Variants in MYH11 observed in about 807,000 individuals in gnomAD.
MYH11 encodes the protein myosin-11.
In MYH11, 80 loss-of-function variants were observed where a neutral mutation model predicts 246.6. The observed-to-expected ratio is 0.32, with a 90% CI of 0.27 to 0.39. MYH11 has a LOEUF of 0.39. MYH11 is among the 10% of genes least tolerant of loss of function. The pLI is 1.00. For missense variants in MYH11, 2,158 were observed against 2,546.8 expected (o/e 0.85, Z 3.29); for synonymous variants, 1,071 against 1,015.5 (o/e 1.05, Z -1.04).
chr16:15,842,762 CAAAAAA>C (rs757920488), intron 1 of MYH11, among the ~76,000 whole-genome samples: 3 of 19,642 alleles, frequency 1.5e-4, no homozygotes, highest in Admixed American at 7.9e-4. Context: ...AGACTTCATC[CAAAAAA>C]AAAAAAAAAA....
At chr16:15,763,741 T>TCGCCCCCCC in intron 10 of MYH11, 55 bp downstream of exon 10, 2 of 646,852 alleles carry the variant, frequency 3.1e-6, no homozygotes, top group East Asian at 3.2e-5. Context: ...AAATGTCACC[T>TCGCCCCCCC]CCCCCACCCC....
intron 7 of MYH11, 77 bp downstream of exon 7, chr16:15,778,703 G>A: frequency 1.4e-6 from 2 of 1,397,416 alleles, no homozygotes; most frequent in Non-Finnish European, 2.0e-6. Flanking sequence ...GGTGGCTCTT[G>A]GACTCTCCCA....
chr16:15,794,198 G>A (rs1596851036), intron 4 of MYH11, among the ~76,000 whole-genome samples: 2 of 151,846 alleles, frequency 1.3e-5, no homozygotes, highest in African/African-American at 4.8e-5. Flanking sequence ...CGCCCGCCTC[G>A]GCCTCCCAAA....
At chr16:15,777,377 T>A (rs1453386780) in intron 7 of MYH11, among the ~76,000 whole-genome samples, 1 of 152,160 alleles carries the variant, frequency 6.6e-6, no homozygotes, top group Non-Finnish European at 1.5e-5. Context: ...CGCCTCGGCC[T>A]CCCAAAGTGC....
chr16:15,739,947 G>C lies in MYH11; in HGVS notation c.2997+104C>G, dbSNP rs546295283. On this transcript the variant is annotated intron_variant, in intron 23 of 40. Coordinates refer to ENST00000300036, the MANE Select transcript of MYH11 (RefSeq NM_002474.3). ...AGTAGAGATGGAGTTTTACCCTGTT[G>C]GCCAGGCTAGTCTCAAACTCCTGGC... 26 of 1,226,238 alleles carry C rather than the reference G, an allele frequency of 2.1e-5. No homozygotes were observed. The East Asian group carries it at 6.1e-4, about 29-fold the overall frequency. The allele number at this position is 1,226,238 out of a possible 1,614,324, so 76.0% of individuals were successfully genotyped here. A position where few individuals can be genotyped will look rare whatever the true frequency, so the allele number is the denominator to read the frequency against.
At chr16:15,728,756 C>G (rs971400951) in intron 27 of MYH11, among the ~76,000 whole-genome samples, 2 of 151,930 alleles carry the variant, frequency 1.3e-5, no homozygotes, top group African/African-American at 4.8e-5. Flanking sequence ...AAAAATTAGC[C>G]GGGCATGGTG....
intron 8 of MYH11, among the ~76,000 whole-genome samples, chr16:15,775,411 CATTGGTTTATGTGTTG>C: frequency 3.3e-5 from 2 of 60,860 alleles, no homozygotes; most frequent in South Asian, 1.6e-3. Flanking sequence ...TGCCTGTGCT[CATTGGTTTATGTGTTG>C]CCTGAGCTCA....
chr16:15,819,931 C>T (rs2151354828), intron 3 of MYH11, among the ~76,000 whole-genome samples: 1 of 152,264 alleles, frequency 6.6e-6, no homozygotes, highest in African/African-American at 2.4e-5. Context: ...AGTGGCTTCA[C>T]CTTGCCAATT....
At chr16:15,741,966 G>A in intron 20 of MYH11, 75 bp from the exon 21 acceptor site, 1 of 1,585,942 alleles carries the variant, frequency 6.3e-7, no homozygotes, top group Non-Finnish European at 8.6e-7. Context: ...TCGATCAGTG[G>A]TTCCGAGCCA....
intron 5 of MYH11, chr16:15,784,557 A>T: frequency 2.4e-6 from 2 of 842,710 alleles, no homozygotes; most frequent in Non-Finnish European, 3.7e-6. Flanking sequence ...TGGTGCATTT[A>T]CTGATTTAAG....
Position 15,729,390 on chromosome 16 carries a change from A to G in MYH11, c.3652-2336T>C, listed in dbSNP as rs1293748062. ...CACCTCTACCTGCTTTGTGCGGGTC[A>G]GTAATGGACATGCCGTCTGCTGGTG... On this transcript the variant is annotated intron_variant, in intron 27 of 40. Transcript: ENST00000300036. Among the ~76,000 whole-genome samples, 3 of 152,126 alleles carry G rather than the reference A, an allele frequency of 2.0e-5. No homozygotes were observed. The South Asian group carries it at 6.2e-4, about 31-fold the overall frequency.
intron 25 of MYH11, among the ~76,000 whole-genome samples, chr16:15,736,167 G>C (rs188060700): frequency 5.9e-5 from 9 of 152,362 alleles, no homozygotes; most frequent in Admixed American, 2.6e-4. Context: ...CAACAAGAGA[G>C]AAAGTGAAAT....
intron 1 of MYH11, among the ~76,000 whole-genome samples, 167 bp downstream of exon 1, chr16:15,856,774 C>T (rs921624928): frequency 5.3e-5 from 8 of 152,028 alleles, no homozygotes; most frequent in African/African-American, 1.9e-4. Context: ...TAATCTAAGA[C>T]GATAAGGCAG....
rs2042208942 is a variant in MYH11 at position 15,775,834 on chromosome 16, T to G, written c.889+244A>C. The G allele has an allele frequency of 5.2e-6, 3 of 582,446 alleles. No homozygotes were observed. The Admixed American group carries it at 8.8e-5, about 17-fold the overall frequency. 36.1% of individuals were successfully genotyped at this position (582,446 alleles called of 1,614,324 possible). On this transcript the variant is annotated intron_variant, in intron 8 of 40. Coordinates refer to ENST00000300036, the MANE Select transcript of MYH11 (RefSeq NM_002474.3). ...CTAATGAGACATGAATCATTAATGA[T>G]CTAATGTCTAATTGGAGTTGATGGC...
At chr16:15,762,109 G>A (rs1290246323) in intron 10 of MYH11, among the ~76,000 whole-genome samples, 1 of 152,198 alleles carries the variant, frequency 6.6e-6, no homozygotes, top group Non-Finnish European at 1.5e-5. Flanking sequence ...TGAGTAGCTG[G>A]GATTACAGGC....
chr16:15,728,405 C>G (rs1567706611), intron 27 of MYH11, among the ~76,000 whole-genome samples: 1 of 152,164 alleles, frequency 6.6e-6, no homozygotes, highest in Admixed American at 6.5e-5. Flanking sequence ...GATCTGGAAA[C>G]AGAGGGTCTT....
At chr16:15,809,338 C>T (rs1471844173) in intron 3 of MYH11, among the ~76,000 whole-genome samples, 1 of 151,978 alleles carries the variant, frequency 6.6e-6, no homozygotes, top group Non-Finnish European at 1.5e-5. Flanking sequence ...TCGAGACCAG[C>T]CTGGGCAACA....
At chr16:15,775,195 T>A (rs182548255) in intron 8 of MYH11, among the ~76,000 whole-genome samples, 2 of 152,356 alleles carry the variant, frequency 1.3e-5, no homozygotes, top group East Asian at 3.9e-4. Flanking sequence ...CCAGAACTCA[T>A]AACTTCCTAC....
rs1407414720 is a variant in MYH11, at chr16:15,750,832, C to T, written c.1865-501G>A. On this transcript the variant is annotated intron_variant, in intron 15 of 40. Transcript: ENST00000300036. This position sits in a 1 kb window ranked among gnomAD's most constrained non-coding sequence, Gnocchi z 4.3. The stretch of plus-strand genomic sequence containing the variant: ...CCCGGCCCCCTCACCCCGCTTATAT[C>T]ACAGGGAAGGAGACAGACAGAGATC... 6.6e-6 allele frequency among the ~76,000 whole-genome samples: 1 copy of T among 152,086 alleles called. No individual in the cohort carries two copies. The highest frequency in any genetic ancestry group is 1.5e-5 in the Non-Finnish European group (1 of 68,036).
Sources: gnomAD v4.1 joint callset for allele counts (sites outside exome capture counted in the v4.1 genomes callset) on GRCh38, gnomAD v4.1.1 for gene constraint, Gnocchi (gnomAD v3.1) non-coding constraint, MANE v1.5 for transcripts, NCBI Gene and HGNC (gene_info 2026-07-23, HGNC 2026-07-21) for gene names.